The following LMBR1 variants were observed in gnomAD, a reference collection of about 807,000 sequenced individuals.
LMBR1 encodes limb region 1 protein homolog.
In LMBR1, 52 loss-of-function variants were observed where a neutral mutation model predicts 73.9. That is an observed-to-expected ratio of 0.70 (90% CI 0.56 to 0.89). The LOEUF is 0.89. Ranked by LOEUF, LMBR1 falls within the 40% of genes least tolerant of loss-of-function variation. LMBR1 has a pLI of 0.00. For missense variants in LMBR1, 539 were observed against 579.8 expected (o/e 0.93, Z 0.72); for synonymous variants, 215 against 209.4 (o/e 1.03, Z -0.23).
At position 156,779,733 on chromosome 7, in the gene LMBR1, C is replaced by T. The variant is rs572477482; in HGVS notation, c.424-15938G>A. The T allele has an allele frequency of 1.8e-4, 227 of 1,283,602 alleles. No individual in the cohort carries two copies. The African/African-American group carries it at 2.7e-3, about 15-fold the overall frequency. The allele number at this position is 1,283,602 out of a possible 1,614,324, so 79.5% of individuals were successfully genotyped here. On this transcript the variant is annotated intron_variant, in intron 5 of 16. Coordinates refer to ENST00000353442, the MANE Select transcript of LMBR1 (RefSeq NM_022458.4). ...GGTTTTGCCTGGACATCTTGCCCTC[C>T]TGTAAGGGATGTAAAAACCACTTCA...
intron 5 of LMBR1, among the ~76,000 whole-genome samples, chr7:156,767,936 G>A (rs1312351861): frequency 6.6e-6 from 1 of 152,062 alleles, no homozygotes; most frequent in Non-Finnish European, 1.5e-5. Flanking sequence ...TTTAAATACA[G>A]AAGAATGCAA....
chr7:156,772,553 G>T (rs750329052), intron 5 of LMBR1, among the ~76,000 whole-genome samples: 1 of 152,056 alleles, frequency 6.6e-6, no homozygotes, highest in Non-Finnish European at 1.5e-5. Flanking sequence ...TCTGGCAAGA[G>T]AAAGAAATAA....
chr7:156,775,755 A>C (rs1359416044), intron 5 of LMBR1, among the ~76,000 whole-genome samples: 1 of 152,068 alleles, frequency 6.6e-6, no homozygotes, highest in African/African-American at 2.4e-5. Context: ...GTACCAACTA[A>C]TGTTCTTTTT....
rs150183337 is a variant in LMBR1 at position 156,858,952 on chromosome 7, T to A, written c.67-22067A>T. ...AAAAACCCCACAGCTAACATCATAC[T>A]TAATGATTAAAAAAACTAGGGCTGG... On this transcript the variant is annotated intron_variant, in intron 1 of 16. Transcript: ENST00000353442. 5.1e-4 allele frequency among the ~76,000 whole-genome samples: 77 copies of A among 152,176 alleles called. No individual in the cohort carries two copies. In the East Asian group the frequency reaches 0.014, roughly 28 times the overall value.
At chr7:156,861,015 G>A (rs561317696) in intron 1 of LMBR1, among the ~76,000 whole-genome samples, 2 of 152,344 alleles carry the variant, frequency 1.3e-5, no homozygotes, top group East Asian at 3.9e-4. Context: ...GGGGTCTGGA[G>A]GATGGTGGCC....
intron 15 of LMBR1, among the ~76,000 whole-genome samples, chr7:156,708,804 C>T (rs149580173): frequency 1.4e-4 from 22 of 152,268 alleles, no homozygotes; most frequent in Non-Finnish European, 2.4e-4. Context: ...GGGAAGCTTA[C>T]GGCCTGGGAC....
intron 1 of LMBR1, among the ~76,000 whole-genome samples, chr7:156,844,238 C>T (rs1005654126): frequency 2.0e-5 from 3 of 151,650 alleles, no homozygotes; most frequent in African/African-American, 2.4e-5. Context: ...GCAGGAGAAT[C>T]GCTTGAACCC....
chr7:156,802,052 G>GGCTCACCGCAATCTCC (rs1450047002), intron 4 of LMBR1, among the ~76,000 whole-genome samples: 1 of 151,798 alleles, frequency 6.6e-6, no homozygotes, highest in Non-Finnish European at 1.5e-5. Context: ...GCGCAATCTC[G>GGCTCACCGCAATCTCC]GCTCACCGCA....
At chr7:156,869,096 T>C (rs182406490) in intron 1 of LMBR1, among the ~76,000 whole-genome samples, 1 of 152,342 alleles carries the variant, frequency 6.6e-6, no homozygotes, top group African/African-American at 2.4e-5. Flanking sequence ...CTAAAAATTA[T>C]TTTATTAAGT....
chr7:156,859,348 A>C (rs1181086513), intron 1 of LMBR1, among the ~76,000 whole-genome samples: 1 of 152,170 alleles, frequency 6.6e-6, no homozygotes, highest in Non-Finnish European at 1.5e-5. Flanking sequence ...TGGAAGTCCT[A>C]GCTAATACAG....
chr7:156,725,180 T>G (rs1815476251), intron 14 of LMBR1, among the ~76,000 whole-genome samples: 1 of 152,216 alleles, frequency 6.6e-6, no homozygotes, highest in African/African-American at 2.4e-5. Context: ...AAAAGAGTCC[T>G]TTCAGGAGCC....
intron 5 of LMBR1, among the ~76,000 whole-genome samples, chr7:156,768,090 T>A (rs147182533): frequency 6.6e-6 from 1 of 152,266 alleles, no homozygotes; most frequent in East Asian, 1.9e-4. Flanking sequence ...AATATTTAAA[T>A]AAACAGAAAA....
At chr7:156,672,309 A>C (rs1052127307) in intron 4 of LMBR1, among the ~76,000 whole-genome samples, 1 of 152,094 alleles carries the variant, frequency 6.6e-6, no homozygotes, top group African/African-American at 2.4e-5. Flanking sequence ...ACAGGTGCAA[A>C]ACCCTTTAAA....
chr7:156,802,076 G>A (rs1244157354), intron 4 of LMBR1, among the ~76,000 whole-genome samples: 2 of 151,842 alleles, frequency 1.3e-5, no homozygotes, highest in African/African-American at 2.4e-5. Context: ...TCCGCCTCCC[G>A]GGTTCAAGCG....
intron 9 of LMBR1, among the ~76,000 whole-genome samples, chr7:156,755,152 G>A (rs1185977669): frequency 6.6e-6 from 1 of 152,174 alleles, no homozygotes; most frequent in African/African-American, 2.4e-5. Flanking sequence ...TGCCAGTGAG[G>A]TGTTTTTACT....
rs79177891 is a variant in LMBR1 at position 156,887,596 on chromosome 7, T to C, written c.66+5332A>G. ...AAACCTTCATGATGCCAGTTGGTGA[T>C]GATGCCAGTTGGTGATGAATTCTTG... On this transcript the variant is annotated intron_variant, in intron 1 of 16. Transcript: ENST00000353442. Among the ~76,000 whole-genome samples the C allele has an allele frequency of 4.5e-4, 68 of 152,118 alleles. 1 individual carries two copies. The highest frequency in any genetic ancestry group is 1.6e-3 in the African/African-American group (66 of 41,492).
At chr7:156,831,940 C>A (rs1836771235) in intron 3 of LMBR1, among the ~76,000 whole-genome samples, 1 of 152,180 alleles carries the variant, frequency 6.6e-6, no homozygotes, top group African/African-American at 2.4e-5. Flanking sequence ...AGAATATCTA[C>A]CTTTTATTCA....
Position 156,756,652 on chromosome 7 carries a change from C to T in LMBR1, c.685-187G>A, listed in dbSNP as rs111622687. On this transcript the variant is annotated intron_variant, in intron 8 of 16. Transcript: ENST00000353442. ...ACAAATACTTTAGTATATAACCAAA[C>T]ACATCAAAAGTTATCACAAACCCTA... is the stretch of plus-strand genomic sequence containing the variant. Among the ~76,000 whole-genome samples the T allele has an allele frequency of 0.032, 4,838 of 152,166 alleles. 123 individuals carry two copies. The highest frequency in any genetic ancestry group is 0.084 in the South Asian group (407 of 4,830).
chr7:156,820,274 TA>T (rs1216113622), intron 4 of LMBR1, among the ~76,000 whole-genome samples: 1 of 152,160 alleles, frequency 6.6e-6, no homozygotes, highest in East Asian at 1.9e-4. Flanking sequence ...TCCCTGTTAG[TA>T]AAGACCACTA....
Sources: allele counts gnomAD v4.1 joint callset (sites outside exome capture counted in the v4.1 genomes callset), GRCh38; gene constraint gnomAD v4.1.1; transcripts MANE v1.5; gene names NCBI Gene and HGNC (gene_info 2026-07-23, HGNC 2026-07-21).